Variants in SH3GL3 observed in about 807,000 individuals in gnomAD.
The protein encoded by SH3GL3 is endophilin-A3.
SH3GL3 carries 33 observed loss-of-function variants against 47.7 expected under a neutral mutation model. The observed-to-expected ratio is 0.69, with a 90% CI of 0.52 to 0.92. The LOEUF (loss-of-function observed/expected upper bound fraction) is 0.92, where lower values mean the gene tolerates loss of function less well. Among genes scored for constraint, SH3GL3 ranks in the 40% least tolerant of loss-of-function variants. The probability of loss-of-function intolerance (pLI) is 0.00; values close to 1 mark genes in which losing one functional copy is unlikely to be tolerated. For missense variants in SH3GL3, 363 were observed against 417.8 expected (o/e 0.87, Z 1.14); for synonymous variants, 155 against 148.8 (o/e 1.04, Z -0.30).
intron 1 of SH3GL3, among the ~76,000 whole-genome samples, chr15:83,515,797 A>G (rs1458040965): frequency 6.6e-6 from 1 of 152,216 alleles, no homozygotes; most frequent in Non-Finnish European, 1.5e-5. Context: ...AGTTAATGTC[A>G]TGGATAACGT....
At chr15:83,566,276 T>C (rs972157359) in intron 3 of SH3GL3, among the ~76,000 whole-genome samples, 5 of 152,026 alleles carry the variant, frequency 3.3e-5, no homozygotes, top group African/African-American at 9.7e-5. Flanking sequence ...CAACCTCTTA[T>C]CCAGTTTAAT....
chr15:83,557,322 T>G (rs1017006572), intron 1 of SH3GL3, among the ~76,000 whole-genome samples: 1 of 152,218 alleles, frequency 6.6e-6, no homozygotes, highest in African/African-American at 2.4e-5. Flanking sequence ...GATGGACACA[T>G]CTGTTAAAAC....
chr15:83,470,373 C>T (rs4843139), intron 1 of SH3GL3, among the ~76,000 whole-genome samples: 13,698 of 152,028 alleles, frequency 0.09, 809 homozygotes, highest in East Asian at 0.26. Context: ...TACAGGCATG[C>T]GCCACCACGT....
rs192077933 is a variant in SH3GL3 at position 83,512,231 on chromosome 15, C to T, written c.46-47022C>T. Among the ~76,000 whole-genome samples the T allele has an allele frequency of 4.9e-4, 75 of 152,178 alleles. 1 individual carries two copies. The South Asian group carries it at 0.012, about 24-fold the overall frequency. ...GTCTTGGTGGGACTGAGGGTGAGATCGCTTTTCTGTAACACAGATGCATTG... is the reference window on the plus strand; with the variant it reads ...GTCTTGGTGGGACTGAGGGTGAGATTGCTTTTCTGTAACACAGATGCATTG... On this transcript the variant is annotated intron_variant, in intron 1 of 8. Transcript: ENST00000427482.
Position 83,617,934 on chromosome 15 carries a change from C to T in SH3GL3, c.839-148C>T, listed in dbSNP as rs568349786. On this transcript the variant is annotated intron_variant, in intron 8 of 8. Transcript: ENST00000427482. Reference sequence around the variant, plus strand: ...AGCTGAGGCAGCCAGAGACCACAAACGGCACCGTGAGCTGGGTGGAGCTGG... The same window carrying T: ...AGCTGAGGCAGCCAGAGACCACAAATGGCACCGTGAGCTGGGTGGAGCTGG... The T allele has an allele frequency of 1.9e-4, 118 of 620,792 alleles. 1 individual carries two copies. The highest frequency in any genetic ancestry group is 1.6e-3 in the South Asian group (82 of 52,104). The allele number at this position is 620,792 out of a possible 1,614,324, so 38.5% of individuals were successfully genotyped here.
intron 1 of SH3GL3, among the ~76,000 whole-genome samples, chr15:83,466,548 C>T (rs1180775049): frequency 6.6e-6 from 1 of 152,030 alleles, no homozygotes; most frequent in African/African-American, 2.4e-5. Context: ...ACATTTATCC[C>T]AGAGGAAAGG....
rs1224129376 is a variant in SH3GL3 at position 83,505,384 on chromosome 15, C to T, written c.46-53869C>T. 1.3e-5 allele frequency among the ~76,000 whole-genome samples: 2 copies of T among 152,126 alleles called. 1 individual carries two copies. Among genetic ancestry groups the T allele is most frequent in the African/African-American group, 4.8e-5 (2 of 41,480 alleles). On this transcript the variant is annotated intron_variant, in intron 1 of 8. Coordinates refer to ENST00000427482, the MANE Select transcript of SH3GL3 (RefSeq NM_003027.5). ...CCCATTATTTTACATCCTTGCCAAT[C>T]CGTGGTATTATTGGTCTTTCTGATT... is the stretch of plus-strand genomic sequence containing the variant.
At chr15:83,506,936 T>C (rs1008637540) in intron 1 of SH3GL3, among the ~76,000 whole-genome samples, 3 of 151,506 alleles carry the variant, frequency 2.0e-5, no homozygotes, top group African/African-American at 7.3e-5. Flanking sequence ...TTTATAGAAA[T>C]CATTCTCTTT....
chr15:83,610,862 C>G (rs879386191), intron 8 of SH3GL3, among the ~76,000 whole-genome samples: 2 of 152,076 alleles, frequency 1.3e-5, no homozygotes, highest in Non-Finnish European at 2.9e-5. Flanking sequence ...TATTTCGTCC[C>G]TGTAGCTGAG....
chr15:83,576,920 A>ATTTTTTTTTTTTTTTT (rs2059697598), intron 6 of SH3GL3, among the ~76,000 whole-genome samples, 179 bp downstream of exon 6: 2 of 25,068 alleles, frequency 8.0e-5, no homozygotes, highest in Non-Finnish European at 1.9e-4. Context: ...AAAAAATCAT[A>ATTTTTTTTTTTTTTTT]ATTTTTTTTT....
Position 83,489,589 on chromosome 15 carries a change from G to A in SH3GL3, c.45+42011G>A, listed in dbSNP as rs78629375. Among the ~76,000 whole-genome samples the A allele has an allele frequency of 2.5e-3, 383 of 152,250 alleles. 2 individuals carry two copies. Among genetic ancestry groups the A allele is most frequent in the Non-Finnish European group, 4.4e-3 (300 of 68,014 alleles). ...TAACTAAAAATGTAAAGATCCTTTCGTATTAAATAGTCCAGTGTCCCTAGG... is the reference window on the plus strand; with the variant it reads ...TAACTAAAAATGTAAAGATCCTTTCATATTAAATAGTCCAGTGTCCCTAGG... On this transcript the variant is annotated intron_variant, in intron 1 of 8. Transcript: ENST00000427482.
At position 83,618,077 on chromosome 15, in the gene SH3GL3, G is replaced by A; in HGVS notation, c.839-5G>A. On this transcript the variant is annotated splice_polypyrimidine_tract_variant and splice_region_variant and intron_variant, in intron 8 of 8. Coordinates refer to ENST00000427482, the MANE Select transcript of SH3GL3 (RefSeq NM_003027.5). ...GTACTTTTTGTCTCCATATCATGTGGACAGGTTCTAACATTCCCATGGACC... is the reference window on the plus strand; with the variant it reads ...GTACTTTTTGTCTCCATATCATGTGAACAGGTTCTAACATTCCCATGGACC... 1 of 1,598,448 alleles carries A rather than the reference G, an allele frequency of 6.3e-7. No homozygotes were observed. The highest frequency in any genetic ancestry group is 8.6e-7 in the Non-Finnish European group (1 of 1,165,724).
At chr15:83,621,941 A>G (rs2060916774), downstream of SH3GL3, among the ~76,000 whole-genome samples, 1 of 152,048 alleles carries the variant, frequency 6.6e-6, no homozygotes, top group Admixed American at 6.5e-5. Context: ...ACGGTACATC[A>G]CTAAATTCAC....
chr15:83,592,519 G>A (rs2060134927), intron 8 of SH3GL3, among the ~76,000 whole-genome samples: 1 of 152,140 alleles, frequency 6.6e-6, no homozygotes, highest in Admixed American at 6.5e-5. Flanking sequence ...CATGGTCAAA[G>A]CTATAATCTT....
At chr15:83,534,151 A>C (rs1385943604) in intron 1 of SH3GL3, among the ~76,000 whole-genome samples, 3 of 151,938 alleles carry the variant, frequency 2.0e-5, no homozygotes, top group Non-Finnish European at 4.4e-5. Context: ...GAATGGAGAG[A>C]GTTTGGCCTC....
Position 83,447,947 on chromosome 15 carries a change from C to T in SH3GL3, c.45+369C>T, listed in dbSNP as rs1292891237. ...AGGGAGTACGATGCCGGCAGGGCCT[C>T]CCCCGAGTCTCCAGCCGTTTGGTTG... On this transcript the variant is annotated intron_variant, in intron 1 of 8. Coordinates refer to ENST00000427482, the MANE Select transcript of SH3GL3 (RefSeq NM_003027.5). The surrounding 1 kb of genome is among the most constrained non-coding windows in gnomAD (Gnocchi z 5.1). Among the ~76,000 whole-genome samples, 1 of 152,104 alleles carries T rather than the reference C, an allele frequency of 6.6e-6. No homozygotes were observed. Among genetic ancestry groups the T allele is most frequent in the African/African-American group, 2.4e-5 (1 of 41,412 alleles).
intron 5 of SH3GL3, among the ~76,000 whole-genome samples, chr15:83,575,628 G>A (rs1427365716): frequency 6.6e-6 from 1 of 152,078 alleles, no homozygotes; most frequent in Non-Finnish European, 1.5e-5. Flanking sequence ...GAGGGATTAG[G>A]GACCAGCCCA....
chr15:83,569,068 T>G (rs1306249971), intron 4 of SH3GL3, among the ~76,000 whole-genome samples: 1 of 152,136 alleles, frequency 6.6e-6, no homozygotes, highest in Non-Finnish European at 1.5e-5. Context: ...ACTAATGTTT[T>G]GTATTTTAAA....
At chr15:83,603,924 CAGG>C (rs2060451724) in intron 8 of SH3GL3, among the ~76,000 whole-genome samples, 1 of 152,182 alleles carries the variant, frequency 6.6e-6, no homozygotes, top group East Asian at 1.9e-4. Context: ...CACCTGAGTT[CAGG>C]AGTTTGAGAC....
Sources: gnomAD v4.1 joint callset for allele counts (sites outside exome capture counted in the v4.1 genomes callset) on GRCh38, gnomAD v4.1.1 for gene constraint, Gnocchi (gnomAD v3.1) non-coding constraint, MANE v1.5 for transcripts, NCBI Gene and HGNC (gene_info 2026-07-23, HGNC 2026-07-21) for gene names.